The following SCMH1 variants were observed in gnomAD, a reference collection of about 807,000 sequenced individuals.
SCMH1 encodes the protein Scm polycomb group protein homolog 1.
A neutral mutation model predicts 70.8 loss-of-function variants in SCMH1; 37 were observed. The ratio of observed to expected loss-of-function variants is 0.52; its 90% CI spans 0.40 to 0.69. The LOEUF is 0.69. SCMH1 is among the 30% of genes least tolerant of loss of function. The probability of loss-of-function intolerance (pLI) is 0.00; values close to 1 mark genes in which losing one functional copy is unlikely to be tolerated. For missense variants in SCMH1, 607 were observed against 827.3 expected, an observed-to-expected ratio of 0.73 and a Z score of 3.27; for synonymous variants, 292 against 307.4, an observed-to-expected ratio of 0.95 and a Z score of 0.52.
At chr1:41,052,654 ACTC>A (rs1648637019) in intron 10 of SCMH1, among the ~76,000 whole-genome samples, 1 of 152,112 alleles carries the variant, frequency 6.6e-6, no homozygotes, top group African/African-American at 2.4e-5. Flanking sequence ...AAAAGAAGGA[ACTC>A]CTGATAGGCA....
At chr1:41,227,624 T>C (rs1660519192) in intron 1 of SCMH1, among the ~76,000 whole-genome samples, 1 of 152,084 alleles carries the variant, frequency 6.6e-6, no homozygotes, top group Non-Finnish European at 1.5e-5. Flanking sequence ...ATGCCATGGG[T>C]GCAACTAGCT....
chr1:41,209,158 T>C lies in SCMH1; in HGVS notation c.-117-22908A>G, dbSNP rs539439311. Among the ~76,000 whole-genome samples the C allele has an allele frequency of 1.6e-3, 244 of 152,194 alleles. 1 individual carries two copies. The highest frequency in any genetic ancestry group is 0.01 in the Middle Eastern group (3 of 294). ...CTGGACACATACACCCTCCCAAGAC[T>C]AAACCAGGAAGAAGTTGAATCTCTG... On this transcript the variant is annotated intron_variant, in intron 1 of 14. Transcript: ENST00000337495.
At chr1:41,203,644 T>C (rs777884538) in intron 1 of SCMH1, among the ~76,000 whole-genome samples, 1 of 152,202 alleles carries the variant, frequency 6.6e-6, no homozygotes, top group African/African-American at 2.4e-5. Context: ...TTTACTGGAA[T>C]GAAGGCAAGG....
intron 1 of SCMH1, among the ~76,000 whole-genome samples, chr1:41,241,627 C>A (rs1317176890): frequency 2.0e-5 from 3 of 152,150 alleles, no homozygotes; most frequent in African/African-American, 7.2e-5. Flanking sequence ...CAGACGGGGT[C>A]GCGCCGCCGC....
At chr1:41,225,009 G>C (rs201074108) in intron 1 of SCMH1, among the ~76,000 whole-genome samples, 1 of 152,196 alleles carries the variant, frequency 6.6e-6, no homozygotes, top group South Asian at 2.1e-4. Flanking sequence ...TTGGCAATAA[G>C]AGATTACTTA....
At chr1:41,173,967 G>A (rs906200382) in intron 2 of SCMH1, among the ~76,000 whole-genome samples, 2 of 151,922 alleles carry the variant, frequency 1.3e-5, no homozygotes, top group Non-Finnish European at 2.9e-5. Context: ...AGGTAGGGGG[G>A]CAAATATAAA....
chr1:41,034,154 C>T (rs772586758), intron 13 of SCMH1, 106 bp from the exon 14 acceptor site: 15 of 1,474,430 alleles, frequency 1.0e-5, no homozygotes, highest in African/African-American at 2.8e-5. Flanking sequence ...AGTCTCAAAG[C>T]AAGGGAGCCG....
At position 41,141,624 on chromosome 1, in the gene SCMH1, AC is replaced by A. The variant is rs561851964; in HGVS notation, c.412+1253del. Among the ~76,000 whole-genome samples, 112 of 152,360 alleles carry A rather than the reference AC, an allele frequency of 7.4e-4. 1 individual carries two copies. The South Asian group carries it at 0.011, about 15-fold the overall frequency. ...AGGACACAGAAACATGTTGAATGAT[AC>A]CACAAGAATACAATCAACAAAATAT... On this transcript the variant is annotated intron_variant, in intron 6 of 14. Transcript: ENST00000337495.
At chr1:41,136,876 C>A (rs1643436081) in intron 6 of SCMH1, among the ~76,000 whole-genome samples, 1 of 149,626 alleles carries the variant, frequency 6.7e-6, no homozygotes, top group Admixed American at 6.8e-5. Flanking sequence ...CTCCTGGGTG[C>A]AAGCAATCCT....
At chr1:41,033,239 T>C (rs1336490558) in intron 13 of SCMH1, among the ~76,000 whole-genome samples, 1 of 151,530 alleles carries the variant, frequency 6.6e-6, no homozygotes, top group African/African-American at 2.4e-5. Context: ...TGAGCCATGA[T>C]TGAGCCACTG....
chr1:41,140,162 A>G (rs1643912735), intron 6 of SCMH1, among the ~76,000 whole-genome samples: 1 of 152,250 alleles, frequency 6.6e-6, no homozygotes, highest in South Asian at 2.1e-4. Flanking sequence ...TACTGTGTTA[A>G]CATGGAGAAC....
intron 2 of SCMH1, among the ~76,000 whole-genome samples, chr1:41,184,414 A>G (rs943667734): frequency 1.2e-4 from 19 of 152,200 alleles, no homozygotes; most frequent in African/African-American, 4.6e-4. Flanking sequence ...GACAATTAAA[A>G]AACTGAATTG....
chr1:41,213,640 C>T (rs1657510074), intron 1 of SCMH1, among the ~76,000 whole-genome samples: 1 of 152,138 alleles, frequency 6.6e-6, no homozygotes. Flanking sequence ...TTAGATCATA[C>T]CCGCTTTGTC....
intron 1 of SCMH1, among the ~76,000 whole-genome samples, chr1:41,194,424 T>C (rs1247163166): frequency 6.6e-6 from 1 of 152,136 alleles, no homozygotes; most frequent in Non-Finnish European, 1.5e-5. Context: ...TAGAAAAAAA[T>C]AGAAATATGA....
At chr1:41,150,693 T>C (rs1233722109) in intron 5 of SCMH1, among the ~76,000 whole-genome samples, 1 of 151,810 alleles carries the variant, frequency 6.6e-6, no homozygotes, top group East Asian at 1.9e-4. Context: ...TCCCAGCACT[T>C]TGGGAGGCCG....
intron 8 of SCMH1, among the ~76,000 whole-genome samples, chr1:41,111,625 G>C (rs1669265517): frequency 6.6e-6 from 1 of 152,192 alleles, no homozygotes; most frequent in Non-Finnish European, 1.5e-5. Flanking sequence ...ACAGATGTGA[G>C]CCACTGCACC....
intron 1 of SCMH1, among the ~76,000 whole-genome samples, chr1:41,199,529 T>A (rs1434889102): frequency 1.3e-5 from 2 of 152,202 alleles, no homozygotes; most frequent in East Asian, 3.8e-4. Context: ...TGTTCCCATT[T>A]AGATTTTTTT....
At chr1:41,196,528 T>C (rs1348698386) in intron 1 of SCMH1, among the ~76,000 whole-genome samples, 2 of 152,148 alleles carry the variant, frequency 1.3e-5, no homozygotes, top group Non-Finnish European at 2.9e-5. Flanking sequence ...CCTTATACCA[T>C]ATACAAAAAA....
chr1:41,209,106 G>A (rs552529947), intron 1 of SCMH1, among the ~76,000 whole-genome samples: 60 of 152,270 alleles, frequency 3.9e-4, no homozygotes, highest in Non-Finnish European at 5.9e-4. Flanking sequence ...AAATAAACTA[G>A]AAAATCTAGA....
Sources: allele counts gnomAD v4.1 joint callset (sites outside exome capture counted in the v4.1 genomes callset), GRCh38; gene constraint gnomAD v4.1.1; transcripts MANE v1.5; gene names NCBI Gene and HGNC (gene_info 2026-07-23, HGNC 2026-07-21).